The following CMTM8 variants were observed in gnomAD, a reference collection of about 807,000 sequenced individuals.
CMTM8 encodes the protein CKLF-like MARVEL transmembrane domain-containing protein 8.
In CMTM8, 12 loss-of-function variants were observed where a neutral mutation model predicts 18.6. The ratio of observed to expected loss-of-function variants is 0.65; its 90% CI spans 0.41 to 1.05. The LOEUF is 1.05. Among genes scored for constraint, CMTM8 ranks in the 50% least tolerant of loss-of-function variants. The pLI is 0.00. For synonymous variants in CMTM8, 87 were observed against 90.6 expected (o/e 0.96, Z 0.23); for missense variants, 217 against 227.2 (o/e 0.95, Z 0.29).
intron 1 of CMTM8, among the ~76,000 whole-genome samples, chr3:32,337,997 TA>T (rs201938071): frequency 0.055 from 7,532 of 137,076 alleles, 440 homozygotes; most frequent in East Asian, 0.13. Context: ...TTTTTTTTTT[TA>T]AATTGAGATG....
At chr3:32,360,565 C>T (rs989626241) in intron 2 of CMTM8, among the ~76,000 whole-genome samples, 2 of 152,204 alleles carry the variant, frequency 1.3e-5, no homozygotes, top group African/African-American at 4.8e-5. Context: ...CCATATTTTC[C>T]ACTGCCCAGC....
rs183235421 is a variant in CMTM8, at chr3:32,291,362, G to A, written c.147+52243G>A. ...TCACCGTGTTAGCCGGGATGGTCTC[G>A]ATCTCCTGACCTCGTGATCCGCCCG... On this transcript the variant is annotated intron_variant, in intron 1 of 3. Coordinates refer to ENST00000307526, the MANE Select transcript of CMTM8 (RefSeq NM_178868.5). Among the ~76,000 whole-genome samples the A allele has an allele frequency of 9.6e-4, 145 of 151,092 alleles. No homozygotes were observed. The East Asian group carries it at 0.022, about 23-fold the overall frequency.
chr3:32,368,178 A>G (rs1375276517), intron 3 of CMTM8, among the ~76,000 whole-genome samples, 190 bp downstream of exon 3: 3 of 152,232 alleles, frequency 2.0e-5, no homozygotes, highest in Non-Finnish European at 2.9e-5. Flanking sequence ...GAAGTGGGAA[A>G]AGGCTGGGAG....
chr3:32,361,286 G>GTTTGTTTTTTTTTTTTTTTTTTTTTTTTT (rs140270969), intron 2 of CMTM8, among the ~76,000 whole-genome samples: 1 of 87,226 alleles, frequency 1.1e-5, no homozygotes, highest in African/African-American at 4.0e-5. Context: ...CAGCCTAAGA[G>GTTTGTTTTTTTTTTTTTTTTTTTTTTTTT]TTTTTTTTTC....
intron 1 of CMTM8, among the ~76,000 whole-genome samples, chr3:32,306,460 G>A (rs1695717588): frequency 6.6e-6 from 1 of 152,204 alleles, no homozygotes; most frequent in Non-Finnish European, 1.5e-5. Context: ...GATGGTTATA[G>A]GGAGTTTAAT....
At chr3:32,313,261 C>G (rs1695854587) in intron 1 of CMTM8, among the ~76,000 whole-genome samples, 1 of 152,138 alleles carries the variant, frequency 6.6e-6, no homozygotes, top group South Asian at 2.1e-4. Flanking sequence ...CCGACGGATT[C>G]TTTCTGAGTA....
Position 32,276,098 on chromosome 3 carries a change from C to T in CMTM8, c.147+36979C>T, listed in dbSNP as rs541555934. ...GTTGGTTTTAGATGTTGACCAATGA[C>T]GGGTACAGAGGCTTTTAGAGAATGC... On this transcript the variant is annotated intron_variant, in intron 1 of 3. Coordinates refer to ENST00000307526, the MANE Select transcript of CMTM8 (RefSeq NM_178868.5). Among the ~76,000 whole-genome samples, 10 of 152,250 alleles carry T rather than the reference C, an allele frequency of 6.6e-5. No individual in the cohort carries two copies. In the East Asian group the frequency reaches 7.7e-4, roughly 12 times the overall value.
intron 1 of CMTM8, among the ~76,000 whole-genome samples, chr3:32,279,011 T>C (rs1702562661): frequency 6.6e-6 from 1 of 152,158 alleles, no homozygotes; most frequent in Admixed American, 6.5e-5. Context: ...CAGGTATGGC[T>C]GGAACCAGGA....
At chr3:32,311,730 A>G (rs1007824933) in intron 1 of CMTM8, among the ~76,000 whole-genome samples, 1 of 152,200 alleles carries the variant, frequency 6.6e-6, no homozygotes, top group African/African-American at 2.4e-5. Context: ...TGGATGTCCT[A>G]TAAATCAATT....
Position 32,367,872 on chromosome 3 carries a change from G to A in CMTM8, c.322G>A (p.Gly108Ser), listed in dbSNP as rs1166031600. The A allele has an allele frequency of 1.4e-5, 22 of 1,610,402 alleles. No homozygotes were observed. The highest frequency in any genetic ancestry group is 1.8e-5 in the Non-Finnish European group (21 of 1,176,990). The change falls in exon 3 of 4, where the codon GGC becomes AGC. Residue 108 changes from glycine (G) to serine (S), a missense_variant and splice_region_variant. Gly to Ser is a moderately conservative substitution (Grantham distance 56, BLOSUM62 0). Coordinates refer to ENST00000307526, the MANE Select transcript of CMTM8 (RefSeq NM_178868.5). ...RIPQVPWTTV[G>S]LCFNGSAFVL... is the part of the protein sequence containing the mutation. ...ACACTCTGCCCCTGTGTCCCCCCAGGGCCTGTGCTTTAACGGCAGTGCCTT... is the reference window on the plus strand; with the variant it reads ...ACACTCTGCCCCTGTGTCCCCCCAGAGCCTGTGCTTTAACGGCAGTGCCTT...
At chr3:32,335,309 A>G (rs1294896851) in intron 1 of CMTM8, among the ~76,000 whole-genome samples, 3 of 152,180 alleles carry the variant, frequency 2.0e-5, no homozygotes, top group African/African-American at 7.2e-5. Flanking sequence ...TACCTTGAGC[A>G]TATTTGTGCT....
At chr3:32,253,910 G>T (rs1702145187) in intron 1 of CMTM8, among the ~76,000 whole-genome samples, 1 of 151,468 alleles carries the variant, frequency 6.6e-6, no homozygotes, top group Non-Finnish European at 1.5e-5. Context: ...TTTCAGGGGG[G>T]AGGATGGAGT....
At chr3:32,363,828 C>T (rs2125603493) in intron 2 of CMTM8, among the ~76,000 whole-genome samples, 3 of 152,290 alleles carry the variant, frequency 2.0e-5, no homozygotes, top group Middle Eastern at 6.8e-3. Flanking sequence ...TGACAGATTT[C>T]CAGATAGTGC....
chr3:32,332,176 C>A (rs1400464133), intron 1 of CMTM8, among the ~76,000 whole-genome samples: 1 of 152,160 alleles, frequency 6.6e-6, no homozygotes, highest in Non-Finnish European at 1.5e-5. Flanking sequence ...AAGCATAGTA[C>A]AATTAGAAAA....
At chr3:32,322,886 C>T (rs912109681) in intron 1 of CMTM8, among the ~76,000 whole-genome samples, 3 of 152,146 alleles carry the variant, frequency 2.0e-5, no homozygotes, top group African/African-American at 7.2e-5. Flanking sequence ...TCTTGCATTC[C>T]CCATGACATC....
At chr3:32,362,580 C>T (rs191866675) in intron 2 of CMTM8, among the ~76,000 whole-genome samples, 1 of 152,298 alleles carries the variant, frequency 6.6e-6, no homozygotes, top group East Asian at 1.9e-4. Flanking sequence ...TCCCAGTATA[C>T]ACAGATATTC....
intron 1 of CMTM8, among the ~76,000 whole-genome samples, chr3:32,267,141 A>G (rs1702360683): frequency 1.3e-5 from 2 of 152,184 alleles, no homozygotes; most frequent in Non-Finnish European, 2.9e-5. Context: ...CCGCATCGCC[A>G]AGTCAATCCT....
At chr3:32,337,044 G>A (rs1222786246) in intron 1 of CMTM8, among the ~76,000 whole-genome samples, 2 of 152,092 alleles carry the variant, frequency 1.3e-5, no homozygotes, top group East Asian at 3.9e-4. Flanking sequence ...GAGACAGCCA[G>A]ACTGACTTTT....
chr3:32,356,361 A>G (rs1696813411), intron 1 of CMTM8, among the ~76,000 whole-genome samples: 1 of 152,192 alleles, frequency 6.6e-6, no homozygotes, highest in Non-Finnish European at 1.5e-5. Flanking sequence ...ACTTAGGAAT[A>G]AAGTCCACCT....
Sources: allele counts gnomAD v4.1 joint callset (sites outside exome capture counted in the v4.1 genomes callset), GRCh38; gene constraint gnomAD v4.1.1; transcripts MANE v1.5; gene names NCBI Gene and HGNC (gene_info 2026-07-23, HGNC 2026-07-21).